Variants in ZNF503 observed in about 807,000 individuals in gnomAD.
ZNF503 encodes zinc finger protein 503, also known as NocA-like zinc finger 2.
ZNF503 carries 15 observed loss-of-function variants against 34.4 expected under a neutral mutation model. That is an observed-to-expected ratio of 0.44 (90% CI 0.29 to 0.67). ZNF503 has a LOEUF of 0.67. ZNF503 is among the 30% of genes least tolerant of loss of function. The pLI, the probability that ZNF503 is intolerant of heterozygous loss-of-function variation, is 0.13. For synonymous variants in ZNF503, 580 were observed against 456.8 expected (o/e 1.27, Z -3.44); for missense variants, 1,007 against 926.8 (o/e 1.09, Z -1.12).
the ZNF503 span, among the ~76,000 whole-genome samples, chr10:75,377,362 A>G: frequency 6.6e-6 from 1 of 152,168 alleles, no homozygotes; most frequent in Non-Finnish European, 1.5e-5. Context: ...ACTTGTCACC[A>G]CCTAAACCCT....
chr10:75,393,605 T>C (rs1461340085), downstream of ZNF503, among the ~76,000 whole-genome samples: 1 of 152,192 alleles, frequency 6.6e-6, no homozygotes, highest in Non-Finnish European at 1.5e-5. Flanking sequence ...ACGCCTGTAA[T>C]CCCAGCACTT....
the ZNF503 span, among the ~76,000 whole-genome samples, chr10:75,370,300 C>T: frequency 1.3e-5 from 2 of 152,142 alleles, no homozygotes; most frequent in African/African-American, 4.8e-5. Context: ...CACCCTACCC[C>T]TTCAGGGCAG....
chr10:75,307,883 A>G, the ZNF503 span, among the ~76,000 whole-genome samples: 1 of 152,182 alleles, frequency 6.6e-6, no homozygotes, highest in Non-Finnish European at 1.5e-5. Flanking sequence ...GTTCAAGACC[A>G]GCCTGGGAAA....
the ZNF503 span, among the ~76,000 whole-genome samples, chr10:75,303,831 CTTTT>C: frequency 6.7e-4 from 83 of 124,474 alleles, no homozygotes; most frequent in African/African-American, 2.4e-3. Flanking sequence ...GTGGCTAAAT[CTTTT>C]TTTTTTTTTT....
Position 75,401,554 on chromosome 10 carries a change from G to A in ZNF503, c.-135C>T. 1 of 1,119,508 alleles carries A rather than the reference G, an allele frequency of 8.9e-7. No homozygotes were observed. Among genetic ancestry groups the A allele is most frequent in the Non-Finnish European group, 1.3e-6 (1 of 798,684 alleles). 69.3% of individuals were successfully genotyped at this position (1,119,508 alleles called of 1,614,324 possible). A position where few individuals can be genotyped will look rare whatever the true frequency, so the allele number is the denominator to read the frequency against. ...CTGGCGCGGCGGCCACGGGCGCCCA[G>A]CGCGCCTTCTCGGCGCCTGGAGCCA... On this transcript the variant is annotated 5_prime_UTR_variant, in exon 1 of 2. Coordinates refer to ENST00000372524, the MANE Select transcript of ZNF503 (RefSeq NM_032772.6).
the ZNF503 span, among the ~76,000 whole-genome samples, chr10:75,354,880 C>G: frequency 5.1e-4 from 78 of 152,312 alleles, 1 homozygote; most frequent in African/African-American, 1.7e-3. Context: ...GAGTCTCACT[C>G]TATCGCCCAG....
At chr10:75,360,416 G>A in the ZNF503 span, among the ~76,000 whole-genome samples, 1 of 152,088 alleles carries the variant, frequency 6.6e-6, no homozygotes, top group Admixed American at 6.5e-5. Context: ...GTGAGCCACC[G>A]TGACCGGCCT....
the ZNF503 span, chr10:75,360,578 G>A: frequency 6.6e-6 from 1 of 152,392 alleles, no homozygotes; most frequent in Non-Finnish European, 1.5e-5. Context: ...AACCCAGCCT[G>A]AAGAATTCAG....
chr10:75,330,033 T>C, the ZNF503 span, among the ~76,000 whole-genome samples: 1 of 152,242 alleles, frequency 6.6e-6, no homozygotes, highest in African/African-American at 2.4e-5. Context: ...GTTCCTTCTA[T>C]ACCTAACTTA....
chr10:75,355,814 C>T, the ZNF503 span, among the ~76,000 whole-genome samples: 1 of 152,210 alleles, frequency 6.6e-6, no homozygotes, highest in Non-Finnish European at 1.5e-5. Context: ...AGCAGGGAAG[C>T]TTTGTCTCTG....
At chr10:75,314,653 C>T in the ZNF503 span, among the ~76,000 whole-genome samples, 4 of 152,144 alleles carry the variant, frequency 2.6e-5, no homozygotes, top group African/African-American at 9.7e-5. Flanking sequence ...AGGCTGAAAA[C>T]TTCACAAATC....
intron 1 of ZNF503, 163 bp downstream of exon 1, chr10:75,400,942 T>C: frequency 4.7e-6 from 5 of 1,060,672 alleles, no homozygotes; most frequent in Non-Finnish European, 6.8e-6. Context: ...TTCCTCCCCC[T>C]TTTCCGCCCT....
At chr10:75,333,824 G>C in the ZNF503 span, among the ~76,000 whole-genome samples, 1 of 18,708 alleles carries the variant, frequency 5.3e-5, no homozygotes, top group East Asian at 7.6e-4. Context: ...TCTCAGACGG[G>C]GCGGCCGGGC....
chr10:75,323,991 CAAAAAAA>C, the ZNF503 span, among the ~76,000 whole-genome samples: 1 of 42,822 alleles, frequency 2.3e-5, no homozygotes. Context: ...AACTCCGTCT[CAAAAAAA>C]AAAAAAAAAA....
chr10:75,322,272 C>T, the ZNF503 span, among the ~76,000 whole-genome samples: 11 of 151,704 alleles, frequency 7.3e-5, no homozygotes, highest in African/African-American at 1.7e-4. Context: ...TACAGGTGTG[C>T]GCCACCATGC....
At chr10:75,303,085 T>C in the ZNF503 span, among the ~76,000 whole-genome samples, 1 of 152,210 alleles carries the variant, frequency 6.6e-6, no homozygotes, top group Non-Finnish European at 1.5e-5. Context: ...GCCCTTGGTA[T>C]ATTTTCAGAG....
At chr10:75,375,582 T>C in the ZNF503 span, among the ~76,000 whole-genome samples, 3 of 152,176 alleles carry the variant, frequency 2.0e-5, no homozygotes, top group Non-Finnish European at 4.4e-5. Flanking sequence ...AGTGGCACAG[T>C]CTCAGCTCAC....
chr10:75,382,795 C>T, the ZNF503 span: 1 of 314,174 alleles, frequency 3.2e-6, no homozygotes, highest in Admixed American at 3.9e-5. Context: ...AAGAAGACTC[C>T]CAAATCCTTG....
the ZNF503 span, among the ~76,000 whole-genome samples, chr10:75,349,027 T>C: frequency 1.3e-5 from 2 of 152,090 alleles, no homozygotes; most frequent in African/African-American, 4.8e-5. Flanking sequence ...TTTTGAATCA[T>C]TTGTGAGTTA....
Sources: gnomAD v4.1 joint callset for allele counts (sites outside exome capture counted in the v4.1 genomes callset) on GRCh38, gnomAD v4.1.1 for gene constraint, MANE v1.5 for transcripts, NCBI Gene and HGNC (gene_info 2026-07-23, HGNC 2026-07-21) for gene names.